The following EIF2AK2 variants were observed in gnomAD, a reference collection of about 807,000 sequenced individuals.
The protein encoded by EIF2AK2 is interferon-induced, double-stranded RNA-activated protein kinase.
Under a neutral mutation model 70.5 loss-of-function variants are expected in EIF2AK2, and 40 were observed. The observed-to-expected ratio is 0.57, with a 90% CI of 0.44 to 0.74. The LOEUF (loss-of-function observed/expected upper bound fraction) is 0.74. Among genes scored for constraint, EIF2AK2 ranks in the 30% least tolerant of loss-of-function variants. The pLI, the probability that EIF2AK2 is intolerant of heterozygous loss-of-function variation, is 0.00. For missense variants in EIF2AK2, 555 were observed against 644.3 expected, an observed-to-expected ratio of 0.86 and a Z score of 1.50; for synonymous variants, 198 against 220.9, an observed-to-expected ratio of 0.90 and a Z score of 0.92.
chr2:37,122,402 G>C, intron 12 of EIF2AK2, 104 bp downstream of exon 12: 1 of 1,237,174 alleles, frequency 8.1e-7, no homozygotes, highest in East Asian at 2.4e-5. Context: ...AGGGAATTGT[G>C]ATAATTAATC....
At chr2:37,111,710 T>C (rs1258658506) in intron 14 of EIF2AK2, among the ~76,000 whole-genome samples, 1 of 113,734 alleles carries the variant, frequency 8.8e-6, no homozygotes, top group Non-Finnish European at 1.8e-5. Context: ...AAAAAAAAAT[T>C]AGCCAGGTGT....
chr2:37,138,157 G>C, intron 8 of EIF2AK2, 113 bp downstream of exon 8: 1 of 710,354 alleles, frequency 1.4e-6, no homozygotes, highest in East Asian at 2.9e-5. Flanking sequence ...TTTAGTAAGA[G>C]TGCATAAGAT....
Position 37,149,025 on chromosome 2 carries a change from T to A in EIF2AK2, c.-183-2A>T. 3.1e-6 allele frequency: 3 copies of A among 970,778 alleles called. No homozygotes were observed. Among genetic ancestry groups the A allele is most frequent in the Non-Finnish European group, 1.7e-6 (1 of 592,330 alleles). 60.1% of individuals were successfully genotyped at this position (970,778 alleles called of 1,614,324 possible). A position where few individuals can be genotyped will look rare whatever the true frequency, so the allele number is the denominator to read the frequency against. On this transcript the variant is annotated splice_acceptor_variant, in intron 1 of 16. Coordinates refer to ENST00000233057, the MANE Select transcript of EIF2AK2 (RefSeq NM_001135651.3). LOFTEE classifies it low-confidence loss of function (5UTR_SPLICE). ...GGCAAACTGAATTTGCTCCAGAAAC[T>A]GGTAAAAGAGAAAAAAGAAGGCTTA...
chr2:37,147,306 CTTTT>C (rs142368234), intron 3 of EIF2AK2, among the ~76,000 whole-genome samples: 10 of 149,296 alleles, frequency 6.7e-5, no homozygotes, highest in African/African-American at 2.5e-4. Flanking sequence ...TATCTTTTTT[CTTTT>C]TTTTTTAATT....
chr2:37,132,491 A>T (rs1451547028), intron 10 of EIF2AK2, among the ~76,000 whole-genome samples: 6 of 152,186 alleles, frequency 3.9e-5, no homozygotes, highest in African/African-American at 1.2e-4. Flanking sequence ...CAGGAGGCTG[A>T]GGCAGGAGAA....
At chr2:37,155,369 ATGAG>A (rs1236542041) in intron 1 of EIF2AK2, among the ~76,000 whole-genome samples, 10 of 152,210 alleles carry the variant, frequency 6.6e-5, no homozygotes, top group East Asian at 3.8e-4. Flanking sequence ...TCAATAATGA[ATGAG>A]TGAGTACCAA....
intron 12 of EIF2AK2, among the ~76,000 whole-genome samples, chr2:37,121,317 T>C (rs1674542943): frequency 6.6e-6 from 1 of 150,684 alleles, no homozygotes; most frequent in African/African-American, 2.4e-5. Context: ...CCACCCATTC[T>C]TCATTGCTGA....
chr2:37,148,325 A>T (rs920962506), intron 2 of EIF2AK2, among the ~76,000 whole-genome samples: 1 of 152,184 alleles, frequency 6.6e-6, no homozygotes, highest in Non-Finnish European at 1.5e-5. Flanking sequence ...TTATGTTGAG[A>T]AGAAAAAGAT....
Position 37,139,655 on chromosome 2 carries a change from C to T in EIF2AK2, c.492G>A (p.Gln164=), listed in dbSNP as rs767625913. 5.6e-6 allele frequency: 9 copies of T among 1,613,998 alleles called. No homozygotes were observed. The highest frequency in any genetic ancestry group is 6.8e-6 in the Non-Finnish European group (8 of 1,179,986). The change falls in exon 6 of 17, where the codon CAG becomes CAA. Residue 164 remains glutamine, a synonymous_variant. Transcript: ENST00000233057. ...KQLAAKLAYL[Q]ILSEETSVKS... is the part of the protein sequence containing the mutation. ...CCACTGAGGTTTCTTCTGATAATAT[C>T]TGAAGATATGCAAGTTTAGCGGCCA... is the stretch of plus-strand genomic sequence containing the variant.
chr2:37,131,066 G>A (rs1001952586), intron 10 of EIF2AK2, among the ~76,000 whole-genome samples: 1 of 152,138 alleles, frequency 6.6e-6, no homozygotes. Context: ...CCTCAAATTA[G>A]TGGGATATTT....
At chr2:37,128,534 C>T (rs1674824126) in intron 10 of EIF2AK2, among the ~76,000 whole-genome samples, 2 of 152,178 alleles carry the variant, frequency 1.3e-5, no homozygotes, top group African/African-American at 2.4e-5. Flanking sequence ...CATGATCAAT[C>T]GTGCGCCGGA....
intron 1 of EIF2AK2, among the ~76,000 whole-genome samples, chr2:37,156,555 G>T (rs1321312868): frequency 6.6e-6 from 1 of 152,180 alleles, no homozygotes; most frequent in Admixed American, 6.5e-5. Context: ...CATGTGTCAA[G>T]CCACTAGGCC....
At chr2:37,121,871 G>T (rs1674566921) in intron 12 of EIF2AK2, among the ~76,000 whole-genome samples, 1 of 152,090 alleles carries the variant, frequency 6.6e-6, no homozygotes, top group Non-Finnish European at 1.5e-5. Context: ...ATTGGCCTCA[G>T]GATTTTAGTG....
At chr2:37,141,153 G>A (rs1260059741) in intron 5 of EIF2AK2, among the ~76,000 whole-genome samples, 3 of 152,210 alleles carry the variant, frequency 2.0e-5, no homozygotes, top group Non-Finnish European at 4.4e-5. Flanking sequence ...TGGACAAAGA[G>A]CTCCCTGATC....
At chr2:37,156,584 C>T (rs149073456) in intron 1 of EIF2AK2, among the ~76,000 whole-genome samples, 1,769 of 152,332 alleles carry the variant, frequency 0.012, 30 homozygotes, top group African/African-American at 0.039. Context: ...TTCCACTAGA[C>T]CCCGCCCCAC....
rs772956630 is a variant in EIF2AK2, at chr2:37,109,162, C to A, written c.1479+32G>T. ...CTGAAGGTGGTAGTCAGTAATTTTT[C>A]TTGTTTAATTCTTTCTTTGAGATAA... On this transcript the variant is annotated intron_variant, in intron 15 of 16. Coordinates refer to ENST00000233057, the MANE Select transcript of EIF2AK2 (RefSeq NM_001135651.3). 3.1e-6 allele frequency: 5 copies of A among 1,605,668 alleles called. No individual in the cohort carries two copies. The South Asian group carries it at 5.5e-5, about 18-fold the overall frequency.
intron 9 of EIF2AK2, 61 bp from the exon 10 acceptor site, chr2:37,135,607 A>G (rs1273880561): frequency 6.9e-7 from 1 of 1,442,894 alleles, no homozygotes; most frequent in East Asian, 2.3e-5. Flanking sequence ...TAACTTATTT[A>G]GTGTTAATGT....
intron 2 of EIF2AK2, 84 bp downstream of exon 2, chr2:37,148,773 A>G: frequency 1.2e-6 from 1 of 822,846 alleles, no homozygotes; most frequent in Middle Eastern, 2.3e-4. Flanking sequence ...AACATACACA[A>G]AAAACTAGCC....
At position 37,147,832 on chromosome 2, in the gene EIF2AK2, A is replaced by T; in HGVS notation, c.-16-10T>A. 1 of 1,556,800 alleles carries T rather than the reference A, an allele frequency of 6.4e-7. No individual in the cohort carries two copies. Among genetic ancestry groups the T allele is most frequent in the Non-Finnish European group, 8.9e-7 (1 of 1,129,666 alleles). ...TTCTTCTTCCCGTATCCTACAATGG[A>T]AGAGACATTTGAATGAGTGATGCTC... is the stretch of plus-strand genomic sequence containing the variant. On this transcript the variant is annotated splice_polypyrimidine_tract_variant and intron_variant, in intron 2 of 16. Coordinates refer to ENST00000233057, the MANE Select transcript of EIF2AK2 (RefSeq NM_001135651.3).
Sources: allele counts gnomAD v4.1 joint callset (sites outside exome capture counted in the v4.1 genomes callset), GRCh38; gene constraint gnomAD v4.1.1; transcripts MANE v1.5; gene names NCBI Gene and HGNC (gene_info 2026-07-23, HGNC 2026-07-21).